Variants in CELF2 observed in about 807,000 individuals in gnomAD.
CELF2 encodes CUGBP Elav-like family member 2.
A neutral mutation model predicts 62.6 loss-of-function variants in CELF2; 8 were observed. The ratio of observed to expected loss-of-function variants is 0.13; its 90% CI spans 0.07 to 0.23. The LOEUF is 0.23. CELF2 is among the 10% of genes least tolerant of loss of function. CELF2 has a pLI of 1.00. For missense variants in CELF2, 333 were observed against 671.0 expected, an observed-to-expected ratio of 0.50 and a Z score of 5.56; for synonymous variants, 258 against 250.0, an observed-to-expected ratio of 1.03 and a Z score of -0.30.
the CELF2 span, among the ~76,000 whole-genome samples, chr10:10,734,736 C>T: frequency 0.011 from 1,627 of 152,252 alleles, 31 homozygotes; most frequent in African/African-American, 0.036. Context: ...CATAATACTT[C>T]ACTTTAAATT....
At chr10:11,066,460 C>T (rs529680509) in intron 1 of CELF2, among the ~76,000 whole-genome samples, 1 of 152,144 alleles carries the variant, frequency 6.6e-6, no homozygotes, top group South Asian at 2.1e-4. Flanking sequence ...AAATGATTCA[C>T]CTGAGGACCT....
chr10:10,686,679 A>G, the CELF2 span, among the ~76,000 whole-genome samples: 2,247 of 152,266 alleles, frequency 0.015, 51 homozygotes, highest in African/African-American at 0.051. Flanking sequence ...ACCATGTAAG[A>G]CATGCCTGTT....
At chr10:10,874,854 G>A (rs1048274066) in intron 1 of CELF2, among the ~76,000 whole-genome samples, 5 of 152,112 alleles carry the variant, frequency 3.3e-5, no homozygotes, top group South Asian at 2.1e-4. Flanking sequence ...ATAATATGAC[G>A]TTGAAGGTGT....
At chr10:11,067,379 G>C (rs553158335) in intron 1 of CELF2, among the ~76,000 whole-genome samples, 1 of 152,170 alleles carries the variant, frequency 6.6e-6, no homozygotes, top group Non-Finnish European at 1.5e-5. Flanking sequence ...CTTTATTTCT[G>C]AATTTGCTAA....
At position 11,270,945 on chromosome 10, in the gene CELF2, A is replaced by G; in HGVS notation, c.777+121A>G. On this transcript the variant is annotated intron_variant, in intron 7 of 12. Transcript: ENST00000633077. The surrounding 1 kb of genome is among the most constrained non-coding windows in gnomAD (Gnocchi z 5.8). ...TTTTCAATCTCGGGGAATTATTGAA[A>G]TCAGCATTTATGCAGGATATTTTTC... 1 of 929,982 alleles carries G rather than the reference A, an allele frequency of 1.1e-6. No individual in the cohort carries two copies. The allele number at this position is 929,982 out of a possible 1,614,324, so 57.6% of individuals were successfully genotyped here. A position where few individuals can be genotyped will look rare whatever the true frequency, so the allele number is the denominator to read the frequency against.
chr10:11,027,125 C>G (rs181293744), intron 1 of CELF2, among the ~76,000 whole-genome samples: 1 of 152,180 alleles, frequency 6.6e-6, no homozygotes, highest in African/African-American at 2.4e-5. Context: ...GCCATCTTTT[C>G]TTGGTGTCAG....
At chr10:11,102,408 A>G (rs77744168) in intron 1 of CELF2, among the ~76,000 whole-genome samples, 117 of 152,374 alleles carry the variant, frequency 7.7e-4, no homozygotes, top group African/African-American at 2.6e-3. Flanking sequence ...TACTTTTCCT[A>G]TATAAACAGT....
At chr10:10,723,259 G>C in the CELF2 span, among the ~76,000 whole-genome samples, 1 of 152,180 alleles carries the variant, frequency 6.6e-6, no homozygotes, top group African/African-American at 2.4e-5. Flanking sequence ...TAAAGAATGA[G>C]TCTAGCTGTC....
chr10:10,995,561 T>C lies in CELF2; in HGVS notation c.89+75562T>C, dbSNP rs560566955. On this transcript the variant is annotated intron_variant, in intron 2 of 13. Transcript: ENST00000636488. This position sits in a 1 kb window ranked among gnomAD's most constrained non-coding sequence, Gnocchi z 4.7. The stretch of plus-strand genomic sequence containing the variant: ...GAAGTTCAGGTGTGCCAGGTGAGAA[T>C]ACCTGAGAGATGAGTTGGAGACATA... 6.6e-6 allele frequency among the ~76,000 whole-genome samples: 1 copy of C among 152,312 alleles called. No homozygotes were observed. The highest frequency in any genetic ancestry group is 2.1e-4 in the South Asian group (1 of 4,826).
At chr10:10,535,126 T>G in the CELF2 span, among the ~76,000 whole-genome samples, 1 of 152,206 alleles carries the variant, frequency 6.6e-6, no homozygotes, top group Non-Finnish European at 1.5e-5. Flanking sequence ...GTTAGAGAAG[T>G]TGAAGCACTC....
In CELF2 at chr10:11,085,509, T is replaced by C. The variant is rs574378211; in HGVS notation, c.74+67346T>C. Among the ~76,000 whole-genome samples, 54 of 152,300 alleles carry C rather than the reference T, an allele frequency of 3.5e-4. No individual in the cohort carries two copies. The South Asian group carries it at 0.01, about 29-fold the overall frequency. ...ACAATAATAGCTAACATTTACAAAG[T>C]TCTCCTAAGCACTTTTATGTATAAT... On this transcript the variant is annotated intron_variant, in intron 1 of 12. Coordinates refer to ENST00000633077, the MANE Select transcript of CELF2 (RefSeq NM_001326342.2).
At chr10:10,690,649 G>C in the CELF2 span, among the ~76,000 whole-genome samples, 1 of 152,170 alleles carries the variant, frequency 6.6e-6, no homozygotes, top group Admixed American at 6.5e-5. Context: ...GGAGGCTGAG[G>C]TGGGCAGATC....
At position 11,010,568 on chromosome 10, in the gene CELF2, G is replaced by C. The variant is rs2056277882; in HGVS notation, c.53+5128G>C. ...AGATATCCAAGAGTTAATGGTAGTTGTTATTCCCATTTTAAAGATGAAAAA... is the reference window on the plus strand; with the variant it reads ...AGATATCCAAGAGTTAATGGTAGTTCTTATTCCCATTTTAAAGATGAAAAA... On this transcript the variant is annotated intron_variant, in intron 1 of 12. Coordinates refer to the CELF2 transcript ENST00000416382. This position sits in a 1 kb window ranked among gnomAD's most constrained non-coding sequence, Gnocchi z 4.1. Among the ~76,000 whole-genome samples the C allele has an allele frequency of 6.6e-6, 1 of 152,182 alleles. No individual in the cohort carries two copies. Among genetic ancestry groups the C allele is most frequent in the Non-Finnish European group, 1.5e-5 (1 of 68,042 alleles).
rs2063690451 is a variant in CELF2, at chr10:11,217,692, T to G, written c.354+185T>G. 6.6e-6 allele frequency among the ~76,000 whole-genome samples: 1 copy of G among 152,182 alleles called. No individual in the cohort carries two copies. Among genetic ancestry groups the G allele is most frequent in the African/African-American group, 2.4e-5 (1 of 41,434 alleles). On this transcript the variant is annotated intron_variant, in intron 3 of 12. Transcript: ENST00000633077. The surrounding 1 kb of genome is among the most constrained non-coding windows in gnomAD (Gnocchi z 5.6). ...CCAGCCCATAAAGGAGCGCTGGCATTAACACTGACGGGAAGCATTCTCAAA... is the reference window on the plus strand; with the variant it reads ...CCAGCCCATAAAGGAGCGCTGGCATGAACACTGACGGGAAGCATTCTCAAA...
chr10:11,021,073 T>G (rs10905882), intron 1 of CELF2, among the ~76,000 whole-genome samples: 5 of 152,086 alleles, frequency 3.3e-5, no homozygotes, highest in Admixed American at 2.6e-4. Flanking sequence ...ATTAAGATGG[T>G]GGAGAGTGTT....
At chr10:10,636,589 C>T in the CELF2 span, among the ~76,000 whole-genome samples, 2 of 152,148 alleles carry the variant, frequency 1.3e-5, no homozygotes, top group Admixed American at 1.3e-4. Flanking sequence ...TCAATTTCCC[C>T]AACCATCTCC....
chr10:11,004,635 CCAAA>C (rs1206306962), upstream of CELF2, among the ~76,000 whole-genome samples: 1 of 152,180 alleles, frequency 6.6e-6, no homozygotes, highest in Non-Finnish European at 1.5e-5. This position sits in a 1 kb window ranked among gnomAD's most constrained non-coding sequence, Gnocchi z 5.0. Context: ...TCCAGTGCCA[CCAAA>C]CAATCTTTGC....
intron 1 of CELF2, among the ~76,000 whole-genome samples, chr10:10,910,568 C>T (rs531677746): frequency 6.6e-5 from 10 of 151,988 alleles, no homozygotes; most frequent in African/African-American, 2.2e-4. Context: ...TGGTGGCATG[C>T]TTCTGTCATC....
rs2095444830 is a variant in CELF2, at chr10:11,321,671, G to A, written c.1294+285G>A. Among the ~76,000 whole-genome samples the A allele has an allele frequency of 6.6e-6, 1 of 152,102 alleles. No individual in the cohort carries two copies. Among genetic ancestry groups the A allele is most frequent in the Non-Finnish European group, 1.5e-5 (1 of 68,024 alleles). The stretch of plus-strand genomic sequence containing the variant: ...GTGACTAGCCACTGCACTCCATTCG[G>A]GGAACACAGACATACCCCTCTCTCT... On this transcript the variant is annotated intron_variant, in intron 11 of 12. Transcript: ENST00000633077. This position sits in a 1 kb window ranked among gnomAD's most constrained non-coding sequence, Gnocchi z 6.2.
Sources: gnomAD v4.1 joint callset for allele counts (sites outside exome capture counted in the v4.1 genomes callset) on GRCh38, gnomAD v4.1.1 for gene constraint, Gnocchi (gnomAD v3.1) non-coding constraint, MANE v1.5 for transcripts, NCBI Gene and HGNC (gene_info 2026-07-23, HGNC 2026-07-21) for gene names.